The following PUM2 variants were observed in gnomAD, a reference collection of about 807,000 sequenced individuals.
PUM2 encodes pumilio homolog 2.
Under a neutral mutation model 124.5 loss-of-function variants are expected in PUM2, and 57 were observed. That is an observed-to-expected ratio of 0.46 (90% confidence interval 0.37 to 0.57). The LOEUF (loss-of-function observed/expected upper bound fraction) is 0.57, where lower values mean the gene tolerates loss of function less well. PUM2 is among the 20% of genes least tolerant of loss of function. The pLI is 0.00. For missense variants in PUM2, 1,065 were observed against 1,290.6 expected, an observed-to-expected ratio of 0.83 and a Z score of 2.68; for synonymous variants, 460 against 446.1, an observed-to-expected ratio of 1.03 and a Z score of -0.39.
intron 9 of PUM2, among the ~76,000 whole-genome samples, chr2:20,291,560 G>A (rs11896241): frequency 0.28 from 42,437 of 152,086 alleles, 6,203 homozygotes; most frequent in Non-Finnish European, 0.33. Flanking sequence ...CATTTGACTT[G>A]GAAGATTTGT....
At chr2:20,312,934 G>C (rs1457952775) in intron 3 of PUM2, among the ~76,000 whole-genome samples, 4 of 152,148 alleles carry the variant, frequency 2.6e-5, no homozygotes, top group African/African-American at 9.7e-5. Flanking sequence ...CCTGATCTTT[G>C]ACAAACCTGA....
chr2:20,297,762 C>A, intron 7 of PUM2, 84 bp from the exon 8 acceptor site: 1 of 1,336,100 alleles, frequency 7.5e-7, no homozygotes, highest in South Asian at 1.4e-5. Context: ...TACTCTGAAT[C>A]TGGGGTGGTG....
In PUM2 at chr2:20,263,216, A is replaced by ATC; in HGVS notation, c.2201_2202insGA (p.Phe734LeufsTer16). On this transcript the variant is annotated frameshift_variant, in exon 14 of 21. Transcript: ENST00000361078. LOFTEE classifies it high-confidence loss of function. ...ACCTAGAACCATGCTGGTCTTGAGA[A>ATC]AACTCAACTATATGTCCAATCAAGT... 1 of 1,601,688 alleles carries ATC rather than the reference A, an allele frequency of 6.2e-7. No homozygotes were observed. The highest frequency in any genetic ancestry group is 8.6e-7 in the Non-Finnish European group (1 of 1,168,670).
intron 10 of PUM2, 63 bp from the exon 11 acceptor site, chr2:20,283,549 C>G: frequency 6.7e-7 from 1 of 1,494,958 alleles, no homozygotes; most frequent in Non-Finnish European, 9.1e-7. Flanking sequence ...ATTTGTTTTT[C>G]CCTGCATTTG....
At chr2:20,328,197 G>T (rs944884284) in intron 1 of PUM2, among the ~76,000 whole-genome samples, 1 of 152,210 alleles carries the variant, frequency 6.6e-6, no homozygotes, top group African/African-American at 2.4e-5. Flanking sequence ...TTAGCTGGGT[G>T]CGGTGGCACG....
At position 20,332,307 on chromosome 2, in the gene PUM2, GTGTGTGTGTGTGTGT is replaced by G. The variant is rs1685090586; in HGVS notation, c.-18-4944_-18-4930del. 2.6e-5 allele frequency among the ~76,000 whole-genome samples: 3 copies of G among 114,516 alleles called. No individual in the cohort carries two copies. In the Admixed American group the frequency reaches 2.7e-4, roughly 10 times the overall value. The allele number at this position is 114,516 out of a possible 152,430, so 75.1% of individuals were successfully genotyped here. A position where few individuals can be genotyped will look rare whatever the true frequency, so the allele number is the denominator to read the frequency against. Reference sequence around the variant, plus strand: ...AGTGTGTGTGTGTGTGTGTGTGTGTGTGTGTGTGTGTGTGTTTAAACGAATGGGGGTTTCAGATCA... The same window carrying G: ...AGTGTGTGTGTGTGTGTGTGTGTGTGTTAAACGAATGGGGGTTTCAGATCA... On this transcript the variant is annotated intron_variant, in intron 1 of 20. Coordinates refer to ENST00000361078, the MANE Select transcript of PUM2 (RefSeq NM_015317.5).
chr2:20,309,918 C>G (rs1334241503), intron 5 of PUM2, among the ~76,000 whole-genome samples: 1 of 152,118 alleles, frequency 6.6e-6, no homozygotes, highest in African/African-American at 2.4e-5. Flanking sequence ...ATTTCAAACT[C>G]CTTTCCCTTT....
At chr2:20,342,188 G>C (rs1277827902) in intron 1 of PUM2, among the ~76,000 whole-genome samples, 1 of 151,416 alleles carries the variant, frequency 6.6e-6, no homozygotes, top group African/African-American at 2.4e-5. Flanking sequence ...GAGAACTAAA[G>C]GAAGAAATCT....
chr2:20,319,774 T>A (rs1250399391), intron 2 of PUM2, among the ~76,000 whole-genome samples: 2 of 152,092 alleles, frequency 1.3e-5, no homozygotes, highest in African/African-American at 4.8e-5. Context: ...TGCTGGCAGA[T>A]CAGATTATGA....
At chr2:20,312,897 G>GC (rs1679973352) in intron 3 of PUM2, among the ~76,000 whole-genome samples, 1 of 152,004 alleles carries the variant, frequency 6.6e-6, no homozygotes, top group Non-Finnish European at 1.5e-5. Flanking sequence ...CAGAACAGAG[G>GC]CCTCAGAAAT....
chr2:20,337,832 T>TC (rs2149026320), intron 1 of PUM2, among the ~76,000 whole-genome samples: 1 of 152,136 alleles, frequency 6.6e-6, no homozygotes, highest in East Asian at 1.9e-4. Flanking sequence ...CAGCTAACCT[T>TC]CCCCCAAAGA....
chr2:20,311,927 G>A (rs552268036), intron 4 of PUM2, among the ~76,000 whole-genome samples: 5 of 152,244 alleles, frequency 3.3e-5, no homozygotes, highest in Non-Finnish European at 5.9e-5. Flanking sequence ...TTTCTTTAAT[G>A]CGTAGACGAT....
chr2:20,284,539 A>G (rs890586649), intron 10 of PUM2, among the ~76,000 whole-genome samples: 11 of 151,602 alleles, frequency 7.3e-5, no homozygotes, highest in African/African-American at 2.7e-4. Context: ...TTTATTTTCT[A>G]CAGAAATAGG....
chr2:20,346,185 T>A (rs1277686826), intron 1 of PUM2, among the ~76,000 whole-genome samples: 1 of 152,220 alleles, frequency 6.6e-6, no homozygotes, highest in Non-Finnish European at 1.5e-5. Context: ...TCCTCTCAAC[T>A]TCAAAACATA....
rs75633851 is a variant in PUM2, at chr2:20,309,023, T to C, written c.519-439A>G. ...TGTCCTGCCCTGCCAACACATAATTTTGCCATAACATCCTGCTTAATAATA... is the reference window on the plus strand; with the variant it reads ...TGTCCTGCCCTGCCAACACATAATTCTGCCATAACATCCTGCTTAATAATA... On this transcript the variant is annotated intron_variant, in intron 5 of 20. Coordinates refer to ENST00000361078, the MANE Select transcript of PUM2 (RefSeq NM_015317.5). 2.0e-5 allele frequency among the ~76,000 whole-genome samples: 3 copies of C among 152,180 alleles called. No homozygotes were observed. In the East Asian group the frequency reaches 5.8e-4, roughly 29 times the overall value.
rs145378691 is a variant in PUM2, at chr2:20,345,284, A to C, written c.-19+5313T>G. Among the ~76,000 whole-genome samples, 7 of 151,768 alleles carry C rather than the reference A, an allele frequency of 4.6e-5. No individual in the cohort carries two copies. In the East Asian group the frequency reaches 1.4e-3, roughly 30 times the overall value. On this transcript the variant is annotated intron_variant, in intron 1 of 20. Coordinates refer to ENST00000361078, the MANE Select transcript of PUM2 (RefSeq NM_015317.5). ...TGCCACCATGCCAGACTAATTTTTTAATTTTTTTAGAGACAAGGTCTCCCT... is the reference window on the plus strand; with the variant it reads ...TGCCACCATGCCAGACTAATTTTTTCATTTTTTTAGAGACAAGGTCTCCCT...
intron 13 of PUM2, among the ~76,000 whole-genome samples, chr2:20,264,680 C>T (rs1407664746): frequency 2.0e-5 from 3 of 151,978 alleles, no homozygotes; most frequent in Admixed American, 6.6e-5. Flanking sequence ...ACAAAATCCA[C>T]TACCAGCATC....
chr2:20,260,287 A>C, intron 15 of PUM2, 50 bp downstream of exon 15: 1 of 1,489,504 alleles, frequency 6.7e-7, no homozygotes. Context: ...CTTAGCATCA[A>C]GTATACAACA....
chr2:20,315,629 T>C (rs1248137525), intron 3 of PUM2, among the ~76,000 whole-genome samples: 1 of 152,090 alleles, frequency 6.6e-6, no homozygotes, highest in Non-Finnish European at 1.5e-5. Context: ...CTCTCTGTCA[T>C]GGTGTGCTCA....
Sources: gnomAD v4.1 joint callset for allele counts (sites outside exome capture counted in the v4.1 genomes callset) on GRCh38, gnomAD v4.1.1 for gene constraint, MANE v1.5 for transcripts, NCBI Gene and HGNC (gene_info 2026-07-23, HGNC 2026-07-21) for gene names.